PARP9: variants seen among roughly 807,000 people sequenced by gnomAD.
The protein encoded by PARP9 is poly(ADP-ribose) polymerase family member 9.
PARP9 carries 48 observed loss-of-function variants against 68.8 expected under a neutral mutation model. The ratio of observed to expected loss-of-function variants is 0.70; its 90% CI spans 0.55 to 0.89. The LOEUF is 0.89. Ranked by LOEUF, PARP9 falls within the 40% of genes least tolerant of loss-of-function variation. The pLI is 0.00. For missense variants in PARP9, 806 were observed against 969.3 expected (o/e 0.83, Z 2.24); for synonymous variants, 309 against 333.8 (o/e 0.93, Z 0.81).
chr3:122,555,601 G>C lies in PARP9; in HGVS notation c.570C>G (p.Ile190Met), dbSNP rs144621578. Residue 190 changes from isoleucine (I) to methionine (M), a missense_variant, in exon 4 of 11, where the codon ATC becomes ATG. By Grantham distance (10) the Ile-to-Met change is conservative. Around this residue, in one of 2 missense-constraint regions of PARP9, gnomAD observed 680 missense variants for 858.8 expected, o/e 0.79. Transcript: ENST00000682323. Reference sequence around the variant, plus strand: ...CTGTCTTAATGTGAGTATTTTTATAGATGACATAATTCAGAATACTTACAA... The same window carrying C: ...CTGTCTTAATGTGAGTATTTTTATACATGACATAATTCAGAATACTTACAA... ...RAIVSILNYV[I>M]YKNTHIKTVA... 3 of 1,613,986 alleles carry C rather than the reference G, an allele frequency of 1.9e-6. No homozygotes were observed. The African/African-American group carries it at 4.0e-5, about 22-fold the overall frequency.
chr3:122,534,433 G>A, intron 10 of PARP9: 4 of 985,460 alleles, frequency 4.1e-6, no homozygotes, highest in South Asian at 4.7e-5. Context: ...ATACCTGTTC[G>A]GCAGCATGTA....
In PARP9 at chr3:122,540,681, A is replaced by C. The variant is rs775242178; in HGVS notation, c.1556T>G (p.Leu519Arg). The change falls in exon 8 of 11, where the codon CTT (leucine) becomes CGT (arginine). Residue 519 changes from leucine (L) to arginine (R), a missense_variant. By Grantham distance (102) the Leu-to-Arg change is moderately radical. Transcript: ENST00000682323. Reference protein sequence around the residue: ...HIIENNHILYLGRKEHDILSQ... With the variant: ...HIIENNHILYRGRKEHDILSQ... ...CAAAATGTCATGTTCCTTTCTCCCA[A>C]GGTACAGAATATGATTATTCTCAAT... The C allele has an allele frequency of 6.2e-7, 1 of 1,614,126 alleles. No individual in the cohort carries two copies. The highest frequency in any genetic ancestry group is 1.1e-5 in the South Asian group (1 of 91,078).
Position 122,528,056 on chromosome 3 carries a change from T to G in PARP9, c.*308A>C, listed in dbSNP as rs1298893919. ...TAGAAAATAAAAGGCCTGCGTTATA[T>G]ACTAGAAAAATTTCTTCATTATATG... On this transcript the variant is annotated 3_prime_UTR_variant, in exon 11 of 11. Transcript: ENST00000682323. 5.0e-6 allele frequency: 1 copy of G among 200,688 alleles called. No homozygotes were observed. Among genetic ancestry groups the G allele is most frequent in the African/African-American group, 2.3e-5 (1 of 43,342 alleles). 12.4% of individuals were successfully genotyped at this position (200,688 alleles called of 1,614,324 possible). A position where few individuals can be genotyped will look rare whatever the true frequency, so the allele number is the denominator to read the frequency against.
chr3:122,539,839 C>T (rs564477061), intron 8 of PARP9, among the ~76,000 whole-genome samples: 7 of 152,280 alleles, frequency 4.6e-5, no homozygotes, highest in Middle Eastern at 3.4e-3. Flanking sequence ...GCCGGGATTA[C>T]AGGCGTGAGC....
chr3:122,564,738 G>C, upstream of PARP9: 1 of 1,215,346 alleles, frequency 8.2e-7, no homozygotes, highest in Non-Finnish European at 1.1e-6. Flanking sequence ...TGCGGTGGCG[G>C]ACAGGGACGG....
chr3:122,552,248 G>A (rs1161829709), intron 5 of PARP9, among the ~76,000 whole-genome samples, 170 bp downstream of exon 5: 3 of 151,986 alleles, frequency 2.0e-5, no homozygotes, highest in African/African-American at 7.3e-5. Flanking sequence ...ATAACTTATG[G>A]CAACTGTACC....
At chr3:122,538,607 A>G (rs527480953) in intron 8 of PARP9, among the ~76,000 whole-genome samples, 42 of 152,046 alleles carry the variant, frequency 2.8e-4, no homozygotes, top group African/African-American at 9.4e-4. Context: ...AAAATTGTCA[A>G]TAGCTGGGAG....
chr3:122,534,271 G>A, intron 10 of PARP9: 1 of 951,418 alleles, frequency 1.1e-6, no homozygotes, highest in Non-Finnish European at 1.3e-6. Flanking sequence ...AAGCCTGGTT[G>A]CAACAGCCTG....
At chr3:122,529,020 G>A (rs963720140) in intron 10 of PARP9, among the ~76,000 whole-genome samples, 1 of 151,880 alleles carries the variant, frequency 6.6e-6, no homozygotes, top group Non-Finnish European at 1.5e-5. Flanking sequence ...GGCTGAGGCG[G>A]GTGGAACACC....
chr3:122,530,717 TTTAGGCTCAAGAGCAGAACTA>T (rs1203292080), intron 10 of PARP9, among the ~76,000 whole-genome samples: 1 of 152,200 alleles, frequency 6.6e-6, no homozygotes, highest in Non-Finnish European at 1.5e-5. Context: ...ACCAAACACT[TTTAGGCTCAAGAGCAGAACTA>T]AACAACAGAA....
intron 5 of PARP9, among the ~76,000 whole-genome samples, chr3:122,551,664 A>G (rs968118846): frequency 1.3e-5 from 2 of 152,114 alleles, no homozygotes; most frequent in African/African-American, 4.8e-5. Flanking sequence ...CACTGCAGGC[A>G]TGGGTGGGAA....
At chr3:122,528,863 G>T in intron 10 of PARP9, 120 bp from the exon 11 acceptor site, 1 of 1,008,328 alleles carries the variant, frequency 9.9e-7, no homozygotes, top group Non-Finnish European at 1.4e-6. Flanking sequence ...TCCTGATTCT[G>T]AGTTCCTGTG....
intron 1 of PARP9, 104 bp from the exon 2 acceptor site, chr3:122,559,813 A>C: frequency 2.2e-6 from 1 of 451,712 alleles, no homozygotes; most frequent in Non-Finnish European, 3.9e-6. Context: ...GATCTTGATG[A>C]GTTCTTAATT....
At position 122,559,660 on chromosome 3, in the gene PARP9, T is replaced by C. The variant is rs1404022675; in HGVS notation, c.-40A>G. The C allele has an allele frequency of 1.3e-6, 2 of 1,565,166 alleles. No homozygotes were observed. The highest frequency in any genetic ancestry group is 2.3e-5 in the East Asian group (1 of 43,956). On this transcript the variant is annotated 5_prime_UTR_variant, in exon 2 of 11. Transcript: ENST00000682323. ...GGGGAGTCTTTAAATGTTTATTCCCTTTTGCGCTTCAAAGCATAGACTGTA... is the reference window on the plus strand; with the variant it reads ...GGGGAGTCTTTAAATGTTTATTCCCCTTTGCGCTTCAAAGCATAGACTGTA...
At chr3:122,530,771 C>T (rs1408547377) in intron 10 of PARP9, among the ~76,000 whole-genome samples, 2 of 152,088 alleles carry the variant, frequency 1.3e-5, no homozygotes, top group Non-Finnish European at 2.9e-5. Context: ...TCACACATGT[C>T]GTTTAAAACT....
chr3:122,545,520 T>C (rs1378156093), intron 6 of PARP9, 31 bp from the exon 7 acceptor site: 2 of 1,609,894 alleles, frequency 1.2e-6, no homozygotes, highest in African/African-American at 2.7e-5. Flanking sequence ...CAGAGAGTCA[T>C]AAGCAGGGCT....
At chr3:122,555,032 CTTAAA>C (rs1256091160) in intron 4 of PARP9, among the ~76,000 whole-genome samples, 1 of 151,856 alleles carries the variant, frequency 6.6e-6, no homozygotes. Context: ...TAAAAAAAAA[CTTAAA>C]TTAAAATTTT....
intron 2 of PARP9, 34 bp from the exon 3 acceptor site, chr3:122,558,501 G>A: frequency 6.2e-7 from 1 of 1,611,392 alleles, no homozygotes; most frequent in Non-Finnish European, 8.5e-7. Flanking sequence ...CTTAAAAAAT[G>A]GAAGTGGAAT....
intron 6 of PARP9, among the ~76,000 whole-genome samples, chr3:122,550,195 T>G (rs530685289): frequency 6.6e-6 from 1 of 152,302 alleles, no homozygotes; most frequent in African/African-American, 2.4e-5. Context: ...TTCTCTTGCC[T>G]CAGCCTCCCT....
Sources: allele counts gnomAD v4.1 joint callset (sites outside exome capture counted in the v4.1 genomes callset), GRCh38; gene constraint gnomAD v4.1.1; regional missense constraint gnomAD v4.1.1; transcripts MANE v1.5; gene names NCBI Gene and HGNC (gene_info 2026-07-23, HGNC 2026-07-21).